The following SALL3 variants were observed in gnomAD, a reference collection of about 807,000 sequenced individuals.
The protein encoded by SALL3 is spalt like transcription factor 3.
In SALL3, 25 loss-of-function variants were observed where a neutral mutation model predicts 66.2. The ratio of observed to expected loss-of-function variants is 0.38; its 90% confidence interval spans 0.28 to 0.53. SALL3 has a LOEUF of 0.53. SALL3 is among the 20% of genes least tolerant of loss of function. The pLI, the probability that SALL3 is intolerant of heterozygous loss-of-function variation, is 0.85. For synonymous variants in SALL3, 1,152 were observed against 899.1 expected, an observed-to-expected ratio of 1.28 and a Z score of -5.03; for missense variants, 2,194 against 1,916.5, an observed-to-expected ratio of 1.14 and a Z score of -2.70.
Position 78,992,332 on chromosome 18 carries a change from A to C in SALL3, c.341A>C (p.Glu114Ala), listed in dbSNP as rs1914468559. 4.9e-6 allele frequency: 7 copies of C among 1,434,242 alleles called. No homozygotes were observed. Among genetic ancestry groups the C allele is most frequent in the Non-Finnish European group, 6.4e-6 (7 of 1,101,684 alleles). 88.8% of individuals were successfully genotyped at this position (1,434,242 alleles called of 1,614,324 possible). ...CGCGCCGAAAGCGAGGCGGCCGAGG[A>C]GGCGGGTGCGGAGGGCGCGGAGGGC... is the stretch of plus-strand genomic sequence containing the variant. ...SERAESEAAE[E>A]AGAEGAEGEA... Residue 114 changes from glutamate to alanine, a missense_variant, in exon 2 of 3, where the codon GAG (glutamate) becomes GCG (alanine). By Grantham distance (107) the Glu-to-Ala change is moderately radical. Transcript: ENST00000537592.
chr18:78,992,945 T>TGCCCCC lies in SALL3; in HGVS notation c.957_962dup (p.Pro320_Ala321dup). On this transcript the variant is annotated inframe_insertion, in exon 2 of 3. Coordinates refer to ENST00000537592, the MANE Select transcript of SALL3 (RefSeq NM_171999.4). ...CGCCCGCCGCCCCCAGCGCCGCCCC[T>TGCCCCC]GCCCCCGCTGCCCCCGCCCCGGCGC... The TGCCCCC allele has an allele frequency of 9.1e-7, 1 of 1,094,114 alleles. No homozygotes were observed. Among genetic ancestry groups the TGCCCCC allele is most frequent in the African/African-American group, 1.7e-5 (1 of 59,020 alleles). The allele number at this position is 1,094,114 out of a possible 1,614,324, so 67.8% of individuals were successfully genotyped here. A position where few individuals can be genotyped will look rare whatever the true frequency, so the allele number is the denominator to read the frequency against.
Position 78,994,224 on chromosome 18 carries a change from CAGA to C in SALL3, c.2239_2241del (p.Lys747del), listed in dbSNP as rs745844202. The C allele has an allele frequency of 6.2e-5, 100 of 1,613,614 alleles. No individual in the cohort carries two copies. The highest frequency in any genetic ancestry group is 8.0e-5 in the Non-Finnish European group (94 of 1,180,008). ...CGTGCAGCACTCCTGCCCCATCTGCCAGAAGAAGTTCACCAACGCCGTGGTCCT... is the reference window on the plus strand; with the variant it reads ...CGTGCAGCACTCCTGCCCCATCTGCCAGAAGTTCACCAACGCCGTGGTCCT... On this transcript the variant is annotated inframe_deletion, in exon 2 of 3. Transcript: ENST00000537592.
chr18:78,993,262 T>C lies in SALL3; in HGVS notation c.1271T>C (p.Phe424Ser). 6.2e-7 allele frequency: 1 copy of C among 1,610,614 alleles called. No individual in the cohort carries two copies. Among genetic ancestry groups the C allele is most frequent in the Non-Finnish European group, 8.5e-7 (1 of 1,179,602 alleles). Residue 424 changes from phenylalanine to serine, a missense_variant, in exon 2 of 3, where the codon TTC becomes TCC. Physicochemically the swap from Phe to Ser is radical, Grantham distance 155. Transcript: ENST00000537592. The stretch of plus-strand genomic sequence containing the variant: ...CCGTTCTTCAAGCACAAATGCCGCT[T>C]CTGCGCCAAGGTCTTCGGCAGCGAC... ...EDPFFKHKCR[F>S]CAKVFGSDSA...
chr18:78,991,286 AATTGT>A (rs1445243960), intron 1 of SALL3, among the ~76,000 whole-genome samples: 2 of 149,342 alleles, frequency 1.3e-5, no homozygotes, highest in Admixed American at 1.4e-4. Flanking sequence ...AGAGCCAATT[AATTGT>A]ATTACACATG....
intron 1 of SALL3, among the ~76,000 whole-genome samples, chr18:78,985,693 G>A (rs778668598): frequency 6.6e-6 from 1 of 152,220 alleles, no homozygotes; most frequent in Non-Finnish European, 1.5e-5. Flanking sequence ...ACGCAGCGTG[G>A]CTCATGTGCC....
In SALL3 at chr18:78,993,763, CGCCCCTCACTAAAGCCGA is replaced by C; in HGVS notation, c.1777_1794del (p.Leu593_Pro598del). 1 of 1,543,276 alleles carries C rather than the reference CGCCCCTCACTAAAGCCGA, an allele frequency of 6.5e-7. No homozygotes were observed. Among genetic ancestry groups the C allele is most frequent in the Non-Finnish European group, 8.7e-7 (1 of 1,154,706 alleles). On this transcript the variant is annotated inframe_deletion, in exon 2 of 3. Transcript: ENST00000537592. ...TCCCCACAGTCGCTCCTCGGCGGGC[CGCCCCTCACTAAAGCCGA>C]GCCCGTCAGCCTGCCCTGCACCAAC...
At chr18:78,991,752 C>T (rs1277636931) in intron 1 of SALL3, 1 of 327,942 alleles carries the variant, frequency 3.0e-6, no homozygotes, top group Admixed American at 4.9e-5. Context: ...AAGGGGAATC[C>T]TAATGAGCCC....
rs747697658 is a variant in SALL3 at position 78,992,563 on chromosome 18, C to T, written c.572C>T (p.Ser191Leu). The part of the protein sequence containing the change: ...FSQGARAAGG[S>L]GAGGGVAAAA... ...CAGGGCGCGCGCGCGGCAGGCGGCT[C>T]GGGAGCAGGTGGAGGCGTGGCAGCT... Residue 191 changes from serine to leucine, a missense_variant, in exon 2 of 3, where the codon TCG (serine) becomes TTG (leucine). Transcript: ENST00000537592. 8 of 1,503,606 alleles carry T rather than the reference C, an allele frequency of 5.3e-6. No homozygotes were observed. Among genetic ancestry groups the T allele is most frequent in the African/African-American group, 2.9e-5 (2 of 68,902 alleles). 93.1% of individuals were successfully genotyped at this position (1,503,606 alleles called of 1,614,324 possible).
chr18:78,988,641 C>T (rs1429350567), intron 1 of SALL3, among the ~76,000 whole-genome samples: 1 of 152,074 alleles, frequency 6.6e-6, no homozygotes, highest in African/African-American at 2.4e-5. Flanking sequence ...GTGTTTTTAC[C>T]TGTATTTCTT....
chr18:78,992,598 C>T lies in SALL3; in HGVS notation c.607C>T (p.Pro203Ser). Reference protein sequence around the residue: ...AGGGVAAAAVPLILEQLMALQ... With the variant: ...AGGGVAAAAVSLILEQLMALQ... ...TGGAGGCGTGGCAGCTGCAGCCGTG[C>T]CCCTGATCCTGGAACAGCTCATGGC... The change falls in exon 2 of 3, where the codon CCC (proline) becomes TCC (serine). Residue 203 changes from proline to serine, a missense_variant. Transcript: ENST00000537592. 26 of 1,535,772 alleles carry T rather than the reference C, an allele frequency of 1.7e-5. No homozygotes were observed. The highest frequency in any genetic ancestry group is 2.2e-5 in the Non-Finnish European group (25 of 1,149,626).
Position 78,994,176 on chromosome 18 carries a change from C to T in SALL3, c.2185C>T (p.His729Tyr). 6.2e-7 allele frequency: 1 copy of T among 1,613,250 alleles called. No individual in the cohort carries two copies. The highest frequency in any genetic ancestry group is 8.5e-7 in the Non-Finnish European group (1 of 1,180,000). The change falls in exon 2 of 3, where the codon CAC (histidine) becomes TAC (tyrosine). Residue 729 changes from histidine to tyrosine, a missense_variant. By Grantham distance (83) the His-to-Tyr change is moderately conservative. Coordinates refer to ENST00000537592, the MANE Select transcript of SALL3 (RefSeq NM_171999.4). ...KGNLKTHFGV[H>Y]RAKPPLRVQH... is the part of the protein sequence containing the mutation. ...CAACCTCAAGACGCACTTCGGCGTGCACCGTGCAAAGCCGCCCCTGCGCGT... is the reference window on the plus strand; with the variant it reads ...CAACCTCAAGACGCACTTCGGCGTGTACCGTGCAAAGCCGCCCCTGCGCGT...
intron 1 of SALL3, 34 bp downstream of exon 1, chr18:78,980,390 CTG>C (rs1288971421): frequency 7.7e-7 from 1 of 1,297,276 alleles, no homozygotes. Context: ...GCCGGGGGGT[CTG>C]GGGCTGCCCG....
chr18:78,993,490 G>T lies in SALL3; in HGVS notation c.1499G>T (p.Gly500Val). 6.2e-7 allele frequency: 1 copy of T among 1,610,088 alleles called. No homozygotes were observed. Among genetic ancestry groups the T allele is most frequent in the Non-Finnish European group, 8.5e-7 (1 of 1,178,960 alleles). ...CCCACCTGCTCGGGCATCCCCTACG[G>T]CATGTCGCTGCCCCCCGAGAAGCCC... is the stretch of plus-strand genomic sequence containing the variant. ...NVPTCSGIPY[G>V]MSLPPEKPVT... Residue 500 changes from glycine (G) to valine (V), a missense_variant, in exon 2 of 3, where the codon GGC (glycine) becomes GTC (valine). Physicochemically the swap from Gly to Val is moderately radical, Grantham distance 109. Transcript: ENST00000537592.
At position 78,992,080 on chromosome 18, in the gene SALL3, C is replaced by G. The variant is rs774402010; in HGVS notation, c.89C>G (p.Pro30Arg). The G allele has an allele frequency of 6.7e-4, 1,017 of 1,508,292 alleles. 5 individuals carry two copies. The highest frequency in any genetic ancestry group is 2.1e-4 in the Non-Finnish European group (232 of 1,125,140). The allele number at this position is 1,508,292 out of a possible 1,614,324, so 93.4% of individuals were successfully genotyped here. Reference sequence around the variant, plus strand: ...CACTCTCTTGGTCTTGCAGCCGCCCCGGGGGAAGGTGCGGAGGACGCAGAC... The same window carrying G: ...CACTCTCTTGGTCTTGCAGCCGCCCGGGGGGAAGGTGCGGAGGACGCAGAC... ...PPDGAPEHAAPGEGAEDADSG... is the reference protein window; with the variant it reads ...PPDGAPEHAARGEGAEDADSG... The change falls in exon 2 of 3, where the codon CCG becomes CGG. Residue 30 changes from proline (P) to arginine (R), a missense_variant. Transcript: ENST00000537592.
chr18:78,992,730 G>C lies in SALL3; in HGVS notation c.739G>C (p.Ala247Pro). 5 of 1,366,156 alleles carry C rather than the reference G, an allele frequency of 3.7e-6. No individual in the cohort carries two copies. The highest frequency in any genetic ancestry group is 3.8e-6 in the Non-Finnish European group (4 of 1,057,572). 84.6% of individuals were successfully genotyped at this position (1,366,156 alleles called of 1,614,324 possible). A position where few individuals can be genotyped will look rare whatever the true frequency, so the allele number is the denominator to read the frequency against. Residue 247 changes from alanine to proline, a missense_variant, in exon 2 of 3, where the codon GCC (alanine) becomes CCC (proline). Physicochemically the swap from Ala to Pro is conservative, Grantham distance 27. Transcript: ENST00000537592. ...GCGGCCCTCACTCAGCCCCGCGGCC[G>C]CCCCGAGCGCACCGGGCCCGGCCCC... Reference protein sequence around the residue: ...PPRPSLSPAAAPSAPGPAPSQ... With the variant: ...PPRPSLSPAAPPSAPGPAPSQ...
chr18:78,996,581 C>T (rs984756707), intron 2 of SALL3, among the ~76,000 whole-genome samples: 1 of 152,212 alleles, frequency 6.6e-6, no homozygotes, highest in African/African-American at 2.4e-5. Flanking sequence ...AAGACCCGGA[C>T]CCTTCGAGCT....
chr18:78,995,866 G>A (rs1914678288), intron 2 of SALL3, among the ~76,000 whole-genome samples: 1 of 152,144 alleles, frequency 6.6e-6, no homozygotes, highest in African/African-American at 2.4e-5. Context: ...CGCTGTGGGG[G>A]GAACAGGAGC....
At chr18:78,983,455 T>G (rs1335684013) in intron 1 of SALL3, among the ~76,000 whole-genome samples, 1 of 152,244 alleles carries the variant, frequency 6.6e-6, no homozygotes, top group Non-Finnish European at 1.5e-5. Context: ...AAAAGGGTAT[T>G]ATAATTTAAA....
At chr18:78,980,404 C>A in intron 1 of SALL3, 48 bp downstream of exon 1, 1 of 1,218,866 alleles carries the variant, frequency 8.2e-7, no homozygotes. Flanking sequence ...GGCTGCCCGT[C>A]CGGGCTGGGG....
Sources: allele counts gnomAD v4.1 joint callset (sites outside exome capture counted in the v4.1 genomes callset), GRCh38; gene constraint gnomAD v4.1.1; transcripts MANE v1.5; gene names NCBI Gene and HGNC (gene_info 2026-07-23, HGNC 2026-07-21).